The following ANO1 variants were observed in gnomAD, a reference collection of about 807,000 sequenced individuals.
ANO1 encodes anoctamin 1, also known as anoctamin-1.
ANO1 carries 59 observed loss-of-function variants against 124.0 expected under a neutral mutation model. The ratio of observed to expected loss-of-function variants is 0.48; its 90% CI spans 0.39 to 0.59. ANO1 has a LOEUF of 0.59. Among genes scored for constraint, ANO1 ranks in the 20% least tolerant of loss-of-function variants. ANO1 has a pLI of 0.00. For missense variants in ANO1, 1,059 were observed against 1,328.0 expected (o/e 0.80, Z 3.15); for synonymous variants, 529 against 532.0 (o/e 0.99, Z 0.08).
chr11:70,055,084 G>A (rs1857413508), intron 1 of ANO1, among the ~76,000 whole-genome samples: 1 of 151,974 alleles, frequency 6.6e-6, no homozygotes, highest in Non-Finnish European at 1.5e-5. Context: ...TTTGTTATTG[G>A]TCTTTACTTG....
At chr11:69,970,557 G>A in the ANO1 span, among the ~76,000 whole-genome samples, 10 of 152,284 alleles carry the variant, frequency 6.6e-5, no homozygotes, top group Admixed American at 1.3e-4. Context: ...TACATAAGGG[G>A]AACTCTGTGA....
chr11:70,157,998 A>C (rs2047887707), intron 16 of ANO1, among the ~76,000 whole-genome samples: 1 of 151,956 alleles, frequency 6.6e-6, no homozygotes, highest in African/African-American at 2.4e-5. Context: ...AAAAAAAAAA[A>C]AAAACCTGTT....
chr11:69,969,243 A>G, the ANO1 span, among the ~76,000 whole-genome samples: 1 of 152,176 alleles, frequency 6.6e-6, no homozygotes, highest in Non-Finnish European at 1.5e-5. Flanking sequence ...CCAAAGCCCC[A>G]GGGAATCTCC....
At chr11:70,106,003 G>A (rs1702386279) in intron 5 of ANO1, among the ~76,000 whole-genome samples, 1 of 152,148 alleles carries the variant, frequency 6.6e-6, no homozygotes, top group Non-Finnish European at 1.5e-5. Context: ...AATCAGCACA[G>A]AGCTTGGGAA....
At chr11:70,165,893 G>A (rs1327436535) in intron 20 of ANO1, among the ~76,000 whole-genome samples, 2 of 152,212 alleles carry the variant, frequency 1.3e-5, no homozygotes, top group African/African-American at 2.4e-5. Context: ...GCTGGTGCGT[G>A]CCTGTAGTCC....
intron 1 of ANO1, among the ~76,000 whole-genome samples, chr11:70,052,904 G>C (rs1857376064): frequency 6.6e-6 from 1 of 152,122 alleles, no homozygotes; most frequent in African/African-American, 2.4e-5. Context: ...CATGAACATG[G>C]ACCATCCTGC....
intron 11 of ANO1, among the ~76,000 whole-genome samples, chr11:70,147,185 G>A (rs754458522): frequency 8.5e-5 from 13 of 152,266 alleles, no homozygotes; most frequent in African/African-American, 4.8e-5. Context: ...GGCAGAGGAG[G>A]ACAGAAAGAG....
chr11:70,098,983 T>A (rs2045135964), intron 2 of ANO1, among the ~76,000 whole-genome samples: 1 of 152,262 alleles, frequency 6.6e-6, no homozygotes, highest in Non-Finnish European at 1.5e-5. Context: ...GCATAGTTAG[T>A]CACTGCACTA....
chr11:70,098,105 G>A (rs551553663), intron 2 of ANO1, among the ~76,000 whole-genome samples: 2 of 152,372 alleles, frequency 1.3e-5, no homozygotes, highest in South Asian at 4.1e-4. Context: ...GAGTCCGACG[G>A]CAGGAGGATT....
At chr11:70,089,436 A>C (rs1261561657) in intron 2 of ANO1, among the ~76,000 whole-genome samples, 1 of 152,166 alleles carries the variant, frequency 6.6e-6, no homozygotes, top group Non-Finnish European at 1.5e-5. Flanking sequence ...AGTAGATATG[A>C]CTTTCCTTGA....
chr11:70,093,334 C>T lies in ANO1; in HGVS notation c.441+5250C>T, dbSNP rs192817915. Among the ~76,000 whole-genome samples, 3 of 151,846 alleles carry T rather than the reference C, an allele frequency of 2.0e-5. 1 individual carries two copies. Among genetic ancestry groups the T allele is most frequent in the Admixed American group, 2.0e-4 (3 of 15,238 alleles). ...TCTCTTTCCCTCTCCCTCCCCTTCTCTCTCCCTCCCTTTGACAGCCATGGG... is the reference window on the plus strand; with the variant it reads ...TCTCTTTCCCTCTCCCTCCCCTTCTTTCTCCCTCCCTTTGACAGCCATGGG... On this transcript the variant is annotated intron_variant, in intron 2 of 25. Transcript: ENST00000355303.
chr11:70,108,487 C>T, intron 6 of ANO1, 83 bp downstream of exon 6: 1 of 1,479,724 alleles, frequency 6.8e-7, no homozygotes, highest in Admixed American at 1.7e-5. Context: ...GGGAGGCAGG[C>T]AGCCGGCTTG....
intron 1 of ANO1, among the ~76,000 whole-genome samples, chr11:70,022,149 C>T (rs188726960): frequency 6.6e-5 from 10 of 152,240 alleles, no homozygotes; most frequent in African/African-American, 1.9e-4. Context: ...CCCAACTCAC[C>T]CTCTGGGACT....
chr11:70,050,342 C>T (rs1188695645), intron 1 of ANO1, among the ~76,000 whole-genome samples: 2 of 152,136 alleles, frequency 1.3e-5, no homozygotes, highest in Non-Finnish European at 1.5e-5. Flanking sequence ...AGGGCCAGGT[C>T]CTCCGCCCCA....
chr11:70,186,320 A>AGAGGAG (rs1156595512), intron 25 of ANO1, among the ~76,000 whole-genome samples: 1 of 138,566 alleles, frequency 7.2e-6, no homozygotes, highest in East Asian at 2.2e-4. Context: ...AAGGAGAAGG[A>AGAGGAG]GAGGAGGAGG....
At chr11:70,045,745 C>T (rs1555005564) in intron 1 of ANO1, among the ~76,000 whole-genome samples, 1 of 152,148 alleles carries the variant, frequency 6.6e-6, no homozygotes, top group African/African-American at 2.4e-5. Context: ...TCAAGATGAG[C>T]TCTCCTCAGC....
intron 1 of ANO1, among the ~76,000 whole-genome samples, chr11:70,035,520 C>CTATATATATATATATATA (rs34200982): frequency 2.7e-4 from 40 of 147,742 alleles, no homozygotes; most frequent in African/African-American, 8.7e-4. Context: ...TAAGCTGTTG[C>CTATATATATATATATATA]TATATATATA....
At chr11:70,056,830 C>CT (rs200523204) in intron 1 of ANO1, among the ~76,000 whole-genome samples, 23,504 of 140,026 alleles carry the variant, frequency 0.17, 2,185 homozygotes, top group African/African-American at 0.21. Context: ...TGTTTTACAT[C>CT]TTTTTTTTTT....
In ANO1 at chr11:70,104,162, C is replaced by A. The variant is rs1057273642; in HGVS notation, c.692+12C>A. The A allele has an allele frequency of 1.1e-5, 18 of 1,606,722 alleles. No individual in the cohort carries two copies. Among genetic ancestry groups the A allele is most frequent in the Non-Finnish European group, 1.4e-5 (16 of 1,175,794 alleles). On this transcript the variant is annotated intron_variant, in intron 4 of 25. Transcript: ENST00000355303. ...GAGAAGCAGCATCTGTAAGTGGGGA[C>A]CCCCAGCCTGCTCCCCAAAGGGTCC... is the stretch of plus-strand genomic sequence containing the variant.
Sources: allele counts gnomAD v4.1 joint callset (sites outside exome capture counted in the v4.1 genomes callset), GRCh38; gene constraint gnomAD v4.1.1; transcripts MANE v1.5; gene names NCBI Gene and HGNC (gene_info 2026-07-23, HGNC 2026-07-21).